The following USP24 variants were observed in gnomAD, a reference collection of about 807,000 sequenced individuals.
USP24 encodes the protein ubiquitin carboxyl-terminal hydrolase 24.
A neutral mutation model predicts 361.6 loss-of-function variants in USP24; 97 were observed. The ratio of observed to expected loss-of-function variants is 0.27; its 90% CI spans 0.23 to 0.32. USP24 has a LOEUF of 0.32. Ranked by LOEUF, USP24 falls within the 10% of genes least tolerant of loss-of-function variation. The probability of loss-of-function intolerance (pLI) is 1.00; values close to 1 mark genes in which losing one functional copy is unlikely to be tolerated. For synonymous variants in USP24, 1,098 were observed against 1,124.6 expected (o/e 0.98, Z 0.47); for missense variants, 2,353 against 3,165.6 (o/e 0.74, Z 6.16).
At chr1:55,148,378 T>C in intron 17 of USP24, 85 bp downstream of exon 17, 1 of 993,754 alleles carries the variant, frequency 1.0e-6, no homozygotes, top group Non-Finnish European at 1.5e-6. Flanking sequence ...AGATAGTGAC[T>C]ATAAACTCAG....
At chr1:55,206,549 T>C (rs1644709311) in intron 1 of USP24, among the ~76,000 whole-genome samples, 1 of 151,690 alleles carries the variant, frequency 6.6e-6, no homozygotes, top group Non-Finnish European at 1.5e-5. Flanking sequence ...AGGTTTTACC[T>C]ATACAAGATG....
At chr1:55,142,087 C>T (rs961420755) in intron 23 of USP24, among the ~76,000 whole-genome samples, 16 of 152,128 alleles carry the variant, frequency 1.1e-4, no homozygotes, top group African/African-American at 3.1e-4. Context: ...AAATACCGTA[C>T]ATATTCTAGC....
At chr1:55,159,173 T>C (rs1648009557) in intron 9 of USP24, 137 bp from the exon 10 acceptor site, 2 of 815,610 alleles carry the variant, frequency 2.5e-6, no homozygotes, top group Non-Finnish European at 3.4e-6. Flanking sequence ...ATTAACTTCA[T>C]TTTGCTTAGA....
chr1:55,117,652 C>T (rs949540991), intron 38 of USP24, among the ~76,000 whole-genome samples: 30 of 139,964 alleles, frequency 2.1e-4, no homozygotes, highest in Non-Finnish European at 3.2e-4. Flanking sequence ...GGCGTGAACC[C>T]GGGAAGCCGG....
chr1:55,123,403 C>A, intron 36 of USP24, 44 bp downstream of exon 36: 1 of 1,466,602 alleles, frequency 6.8e-7, no homozygotes, highest in African/African-American at 1.4e-5. Flanking sequence ...AGAAACTTGG[C>A]CTTTCCCTGA....
chr1:55,081,523 A>G, intron 58 of USP24, 99 bp from the exon 59 acceptor site: 1 of 1,179,092 alleles, frequency 8.5e-7, no homozygotes, highest in Non-Finnish European at 1.3e-6. Context: ...TCTGGGCTTT[A>G]ATTATTTCTC....
In USP24 at chr1:55,141,709, C is replaced by A; in HGVS notation, c.2657G>T (p.Gly886Val). 6.2e-7 allele frequency: 1 copy of A among 1,609,218 alleles called. No individual in the cohort carries two copies. The highest frequency in any genetic ancestry group is 8.5e-7 in the Non-Finnish European group (1 of 1,177,656). ...RLEAASSALG[G>V]PTLTHAVTRA... ...GGTCACAGCATGTGTTAGAGTGGGG[C>A]CACCAAGTGCTGAACTGGCTGCCTA... Residue 886 changes from glycine (G) to valine (V), a missense_variant, in exon 24 of 68, where the codon GGC becomes GTC. By Grantham distance (109) the Gly-to-Val change is moderately radical (BLOSUM62 -3). Transcript: ENST00000294383.
chr1:55,175,128 T>TA (rs1249639243), intron 3 of USP24, among the ~76,000 whole-genome samples: 14 of 151,710 alleles, frequency 9.2e-5, no homozygotes, highest in South Asian at 2.1e-4. Context: ...TATATATATA[T>TA]TTTTTAAGGC....
chr1:55,142,951 T>C lies in USP24; in HGVS notation c.2580+28A>G, dbSNP rs372727743. 1.1e-4 allele frequency: 165 copies of C among 1,478,070 alleles called. 1 individual carries two copies. In the African/African-American group the frequency reaches 2.1e-3, roughly 19 times the overall value. 91.6% of individuals were successfully genotyped at this position (1,478,070 alleles called of 1,614,324 possible). A position where few individuals can be genotyped will look rare whatever the true frequency, so the allele number is the denominator to read the frequency against. On this transcript the variant is annotated intron_variant, in intron 22 of 67. Coordinates refer to ENST00000294383, the MANE Select transcript of USP24 (RefSeq NM_015306.3). ...ATATAATTTTCTGCTTTTTTGTATA[T>C]GGATAACTTCTTTCCTTAGATACCT...
In USP24 at chr1:55,125,708, T is replaced by C. The variant is rs772835204; in HGVS notation, c.3686A>G (p.Tyr1229Cys). Reference protein sequence around the residue: ...QRDSIPSEVDYETRQGVYSIC... With the variant: ...QRDSIPSEVDCETRQGVYSIC... ...GGAATAAACACCCTGCCTTGTTTCA[T>C]AGTCTACTTCTGATGGGATGGAGTC... is the stretch of plus-strand genomic sequence containing the variant. Residue 1229 changes from tyrosine (Y) to cysteine (C), a missense_variant, in exon 33 of 68, where the codon TAT (tyrosine) becomes TGT (cysteine). Physicochemically the swap from Tyr to Cys is radical, Grantham distance 194. Around this residue, in one of 8 missense-constraint regions of USP24, gnomAD observed 949 missense variants for 1,280.5 expected, o/e 0.74. Coordinates refer to ENST00000294383, the MANE Select transcript of USP24 (RefSeq NM_015306.3). 5.6e-6 allele frequency: 9 copies of C among 1,597,008 alleles called. No homozygotes were observed. The highest frequency in any genetic ancestry group is 3.4e-5 in the South Asian group (3 of 87,684).
intron 8 of USP24, 70 bp from the exon 9 acceptor site, chr1:55,159,755 C>T (rs1648077936): frequency 2.2e-6 from 3 of 1,347,670 alleles, no homozygotes; most frequent in Admixed American, 2.1e-5. Context: ...AATACTTCTT[C>T]ATCTACAATT....
At chr1:55,183,983 A>G (rs906315655) in intron 1 of USP24, among the ~76,000 whole-genome samples, 1 of 152,164 alleles carries the variant, frequency 6.6e-6, no homozygotes, top group African/African-American at 2.4e-5. Flanking sequence ...GGGTGACTAC[A>G]ATAACATTGG....
intron 32 of USP24, among the ~76,000 whole-genome samples, chr1:55,128,359 C>A (rs1225027280): frequency 2.0e-5 from 3 of 152,124 alleles, no homozygotes; most frequent in Non-Finnish European, 4.4e-5. Context: ...TTAGTAACTG[C>A]CTGTTTTTTC....
intron 7 of USP24, among the ~76,000 whole-genome samples, chr1:55,164,948 A>T (rs778042023): frequency 6.6e-6 from 1 of 152,096 alleles, no homozygotes. Context: ...TCAACAACCT[A>T]ATTAACTTCC....
intron 1 of USP24, among the ~76,000 whole-genome samples, chr1:55,194,585 G>T (rs1340766252): frequency 6.6e-6 from 1 of 152,058 alleles, no homozygotes; most frequent in African/African-American, 2.4e-5. Flanking sequence ...CTGGGCGACA[G>T]AGGGAGACCC....
At chr1:55,129,341 C>A in intron 32 of USP24, 136 bp downstream of exon 32, 2 of 589,932 alleles carry the variant, frequency 3.4e-6, no homozygotes, top group Non-Finnish European at 5.7e-6. Context: ...ACTGAAACAT[C>A]ATTCCTTCTT....
At chr1:55,174,831 T>C (rs1409861836) in intron 3 of USP24, among the ~76,000 whole-genome samples, 1 of 149,886 alleles carries the variant, frequency 6.7e-6, no homozygotes, top group Non-Finnish European at 1.5e-5. Context: ...GGGTCTCACA[T>C]GTTGCCCAGG....
chr1:55,201,560 T>G (rs541283486), intron 1 of USP24, among the ~76,000 whole-genome samples: 1 of 115,658 alleles, frequency 8.6e-6, no homozygotes, highest in East Asian at 3.0e-4. Flanking sequence ...GAGATCACGC[T>G]ACTGCACTCT....
In USP24 at chr1:55,154,680, G is replaced by A. The variant is rs1485139162; in HGVS notation, c.1545C>T (p.Leu515=). ...CTGACTGAACACGTACCTTCTGAATGAGAACAAACAAATGATTAAGCTGAT... is the reference window on the plus strand; with the variant it reads ...CTGACTGAACACGTACCTTCTGAATAAGAACAAACAAATGATTAAGCTGAT... ...NSDQLNHLFV[L]IQKSWETESD... The change falls in exon 13 of 68, where the codon CTC becomes CTT. Residue 515 remains leucine, a synonymous_variant. Transcript: ENST00000294383. 3 of 1,612,674 alleles carry A rather than the reference G, an allele frequency of 1.9e-6. No homozygotes were observed. Among genetic ancestry groups the A allele is most frequent in the African/African-American group, 2.7e-5 (2 of 74,846 alleles).
Sources: allele counts gnomAD v4.1 joint callset (sites outside exome capture counted in the v4.1 genomes callset), GRCh38; gene constraint gnomAD v4.1.1; regional missense constraint gnomAD v4.1.1; transcripts MANE v1.5; gene names NCBI Gene and HGNC (gene_info 2026-07-23, HGNC 2026-07-21).